The following PCDH15 variants were observed in gnomAD, a reference collection of about 807,000 sequenced individuals.
The protein encoded by PCDH15 is protocadherin related 15.
A neutral mutation model predicts 178.5 loss-of-function variants in PCDH15; 129 were observed. The observed-to-expected ratio is 0.72, with a 90% CI of 0.63 to 0.84. The LOEUF (loss-of-function observed/expected upper bound fraction) is 0.84, where lower values mean the gene tolerates loss of function less well. PCDH15 is among the 40% of genes least tolerant of loss of function. PCDH15 has a pLI of 0.00. For synonymous variants in PCDH15, 800 were observed against 732.0 expected (o/e 1.09, Z -1.50); for missense variants, 2,230 against 2,099.9 (o/e 1.06, Z -1.21).
intron 1 of PCDH15, among the ~76,000 whole-genome samples, chr10:55,230,503 A>G (rs1841183100): frequency 6.6e-6 from 1 of 152,124 alleles, no homozygotes; most frequent in African/African-American, 2.4e-5. Flanking sequence ...ATTAACATTT[A>G]TTGTGCATGC....
chr10:53,821,670 A>C, intron 32 of PCDH15: 1 of 1,361,974 alleles, frequency 7.3e-7, no homozygotes, highest in South Asian at 1.7e-5. Flanking sequence ...AAGTAAGGTA[A>C]ATCTATTATA....
intron 32 of PCDH15, among the ~76,000 whole-genome samples, chr10:53,825,582 C>CAATT (rs1412489409): frequency 2.0e-5 from 3 of 151,390 alleles, no homozygotes; most frequent in African/African-American, 7.3e-5. Context: ...ACTATGATGA[C>CAATT]AATTAATTAC....
At chr10:53,979,477 A>T (rs867611562) in intron 21 of PCDH15, among the ~76,000 whole-genome samples, 3 of 152,218 alleles carry the variant, frequency 2.0e-5, no homozygotes, top group Non-Finnish European at 4.4e-5. Flanking sequence ...CAGCAAAACC[A>T]TATCACCCTC....
In PCDH15 at chr10:53,806,568, T is replaced by A. The variant is rs1841174927; in HGVS notation, c.*11A>T. ...AGTAAAAATTAATTAAAATATCTTTTAAAAAATTGGTCACAGTTTTGTCAT... is the reference window on the plus strand; with the variant it reads ...AGTAAAAATTAATTAAAATATCTTTAAAAAAATTGGTCACAGTTTTGTCAT... On this transcript the variant is annotated 3_prime_UTR_variant, in exon 38 of 38. Coordinates refer to ENST00000644397, the MANE Select transcript of PCDH15 (RefSeq NM_001384140.1). The A allele has an allele frequency of 1.3e-6, 2 of 1,561,652 alleles. No individual in the cohort carries two copies. The highest frequency in any genetic ancestry group is 2.7e-5 in the African/African-American group (2 of 72,760).
chr10:55,327,693 G>A (rs894563062), intron 2 of PCDH15, among the ~76,000 whole-genome samples: 1 of 152,020 alleles, frequency 6.6e-6, no homozygotes, highest in Non-Finnish European at 1.5e-5. Context: ...ATTGACTGAA[G>A]CATTTGTTTC....
intron 2 of PCDH15, among the ~76,000 whole-genome samples, chr10:55,565,031 T>C (rs970354344): frequency 5.3e-5 from 8 of 151,714 alleles, no homozygotes; most frequent in Non-Finnish European, 1.2e-4. Context: ...CAGAATATTC[T>C]ACCCCACAAC....
chr10:54,893,556 C>T (rs557674321), intron 3 of PCDH15, among the ~76,000 whole-genome samples: 4 of 151,910 alleles, frequency 2.6e-5, no homozygotes, highest in African/African-American at 7.2e-5. Flanking sequence ...GTATGTGTTT[C>T]GGGTGTGGGG....
intron 2 of PCDH15, chr10:54,585,614 G>GTT (rs71901521): frequency 1.1e-4 from 9 of 79,550 alleles, no homozygotes; most frequent in South Asian, 6.3e-4. Context: ...AGCAATATGT[G>GTT]TTTTTTTTTT....
chr10:55,469,993 T>TA (rs1293563163), intron 2 of PCDH15, among the ~76,000 whole-genome samples: 1 of 152,180 alleles, frequency 6.6e-6, no homozygotes, highest in African/African-American at 2.4e-5. Flanking sequence ...ATTGCTTTTT[T>TA]ACCTAGAAAA....
chr10:55,556,867 T>C (rs1288028519), intron 2 of PCDH15, among the ~76,000 whole-genome samples: 1 of 152,154 alleles, frequency 6.6e-6, no homozygotes, highest in Non-Finnish European at 1.5e-5. Flanking sequence ...TTTACATTTT[T>C]CTTAACAACT....
At chr10:54,215,602 G>A (rs1261549906) in intron 9 of PCDH15, among the ~76,000 whole-genome samples, 3 of 152,142 alleles carry the variant, frequency 2.0e-5, no homozygotes, top group African/African-American at 7.2e-5. Flanking sequence ...TCTAATGTGA[G>A]AGTGAGCAAA....
At chr10:55,341,206 A>G (rs374230885) in intron 2 of PCDH15, among the ~76,000 whole-genome samples, 5 of 152,174 alleles carry the variant, frequency 3.3e-5, no homozygotes, top group African/African-American at 9.6e-5. Context: ...TTTAAAGGCT[A>G]CTATAATTCC....
chr10:54,115,664 T>G (rs770963070), intron 15 of PCDH15, among the ~76,000 whole-genome samples: 1 of 152,228 alleles, frequency 6.6e-6, no homozygotes, highest in Non-Finnish European at 1.5e-5. Flanking sequence ...AAGCTTTACT[T>G]GGACTGCACT....
At chr10:55,611,794 A>G (rs1277587123) in intron 2 of PCDH15, among the ~76,000 whole-genome samples, 1 of 152,066 alleles carries the variant, frequency 6.6e-6, no homozygotes, top group Non-Finnish European at 1.5e-5. Context: ...GAAATTATAT[A>G]TACATATTTA....
Position 55,531,988 on chromosome 10 carries a change from G to C in PCDH15, c.-156+95637C>G, listed in dbSNP as rs1032101073. Among the ~76,000 whole-genome samples the C allele has an allele frequency of 2.0e-5, 3 of 151,834 alleles. No homozygotes were observed. The East Asian group carries it at 5.8e-4, about 29-fold the overall frequency. The stretch of plus-strand genomic sequence containing the variant: ...ATGAATACGAAGAAGTGAATAAATA[G>C]ATTTTTTTTATCAAATTAAAGATCT... On this transcript the variant is annotated intron_variant, in intron 2 of 5. Coordinates refer to the PCDH15 transcript ENST00000613346.
intron 2 of PCDH15, among the ~76,000 whole-genome samples, chr10:54,977,828 C>A (rs1465801701): frequency 6.6e-6 from 1 of 152,094 alleles, no homozygotes; most frequent in Non-Finnish European, 1.5e-5. Context: ...TTGGTATTCA[C>A]AACATTGTAT....
chr10:54,313,678 T>C (rs1041433340), intron 8 of PCDH15, among the ~76,000 whole-genome samples: 13 of 151,958 alleles, frequency 8.6e-5, no homozygotes, highest in Admixed American at 2.6e-4. Context: ...ATTCAACACA[T>C]GCAACCAGTT....
At chr10:55,599,657 C>T in intron 2 of PCDH15, 1 of 276,486 alleles carries the variant, frequency 3.6e-6, no homozygotes, top group Non-Finnish European at 6.7e-6. Flanking sequence ...CTAATATTAA[C>T]AAATGATTAA....
chr10:54,459,315 T>C (rs1365033469), intron 3 of PCDH15, among the ~76,000 whole-genome samples: 1 of 152,080 alleles, frequency 6.6e-6, no homozygotes, highest in Non-Finnish European at 1.5e-5. Context: ...AGCTCATGTT[T>C]ATTTCAATAT....
Sources: allele counts gnomAD v4.1 joint callset (sites outside exome capture counted in the v4.1 genomes callset), GRCh38; gene constraint gnomAD v4.1.1; transcripts MANE v1.5; gene names NCBI Gene and HGNC (gene_info 2026-07-23, HGNC 2026-07-21).